The following RBM6 variants were observed in gnomAD, a reference collection of about 807,000 sequenced individuals.
The protein encoded by RBM6 is RNA binding motif protein 6.
A neutral mutation model predicts 140.4 loss-of-function variants in RBM6; 23 were observed. The ratio of observed to expected loss-of-function variants is 0.16; its 90% CI spans 0.12 to 0.23. RBM6 has a LOEUF of 0.23. RBM6 is among the 10% of genes least tolerant of loss of function. The probability of loss-of-function intolerance (pLI) is 1.00; values close to 1 mark genes in which losing one functional copy is unlikely to be tolerated. For missense variants in RBM6, 1,139 were observed against 1,386.7 expected (o/e 0.82, Z 2.84); for synonymous variants, 439 against 475.6 (o/e 0.92, Z 1.00).
At chr3:49,994,669 G>GGGGTGTGTGTGTGTGTGTGTGTGTGTGT (rs148704782) in intron 5 of RBM6, among the ~76,000 whole-genome samples, 1 of 148,164 alleles carries the variant, frequency 6.7e-6, no homozygotes, top group African/African-American at 2.5e-5. Flanking sequence ...AAGGCTGTGG[G>GGGGTGTGTGTGTGTGTGTGTGTGTGTGT]GTGTGTGTGT....
chr3:50,055,231 C>T (rs1188857005), intron 8 of RBM6, among the ~76,000 whole-genome samples: 1 of 152,170 alleles, frequency 6.6e-6, no homozygotes, highest in Non-Finnish European at 1.5e-5. Context: ...AGTTCAAGAC[C>T]AGCCTGACCA....
chr3:49,963,257 C>T (rs2084364199), intron 2 of RBM6, among the ~76,000 whole-genome samples: 1 of 151,778 alleles, frequency 6.6e-6, no homozygotes, highest in Non-Finnish European at 1.5e-5. Context: ...TTTTTTGAGA[C>T]AAGTCTCTCT....
chr3:50,013,013 G>T (rs927925040), intron 6 of RBM6, among the ~76,000 whole-genome samples: 2 of 151,934 alleles, frequency 1.3e-5, no homozygotes, highest in Non-Finnish European at 2.9e-5. Context: ...AAAGTGCTGG[G>T]ATTACAGGCG....
intron 5 of RBM6, 95 bp downstream of exon 5, chr3:49,975,487 CAATTAAA>C (rs2085025924): frequency 9.1e-7 from 1 of 1,102,256 alleles, no homozygotes; most frequent in Admixed American, 2.1e-5. Flanking sequence ...CAAGAAACCA[CAATTAAA>C]ATTTCCAGAA....
chr3:49,979,015 C>G lies in RBM6; in HGVS notation c.1483+3623C>G, dbSNP rs151039165. Among the ~76,000 whole-genome samples the G allele has an allele frequency of 2.6e-5, 4 of 152,246 alleles. No individual in the cohort carries two copies. In the East Asian group the frequency reaches 7.7e-4, roughly 29 times the overall value. ...TCTCAGCAATGAAGAAGAAACTACT[C>G]ATGCACCTAACAACATGGATGAATC... On this transcript the variant is annotated intron_variant, in intron 5 of 20. Coordinates refer to ENST00000266022, the MANE Select transcript of RBM6 (RefSeq NM_005777.3).
chr3:50,006,826 G>A (rs1454329705), intron 6 of RBM6, among the ~76,000 whole-genome samples: 5 of 151,862 alleles, frequency 3.3e-5, no homozygotes, highest in East Asian at 2.0e-4. Context: ...CCAGCTACTT[G>A]GGAGGCTGAG....
At chr3:50,042,895 A>G (rs914303002) in intron 6 of RBM6, among the ~76,000 whole-genome samples, 2 of 152,166 alleles carry the variant, frequency 1.3e-5, no homozygotes, top group African/African-American at 2.4e-5. Flanking sequence ...AGCTGATGAA[A>G]AAGGAAATGG....
chr3:49,974,673 ATTTTTT>A (rs55872898), intron 4 of RBM6, among the ~76,000 whole-genome samples: 9 of 72,466 alleles, frequency 1.2e-4, no homozygotes, highest in African/African-American at 5.2e-4. Context: ...TGCCCGGCCA[ATTTTTT>A]TTTTTTTTTT....
intron 6 of RBM6, among the ~76,000 whole-genome samples, chr3:50,042,806 A>C (rs1025607207): frequency 1.3e-5 from 2 of 152,110 alleles, no homozygotes; most frequent in Non-Finnish European, 2.9e-5. Flanking sequence ...GAATGGGAGC[A>C]TATGGTAGAG....
intron 16 of RBM6, chr3:50,065,727 C>A: frequency 4.5e-6 from 2 of 441,774 alleles, no homozygotes; most frequent in South Asian, 1.6e-5. Context: ...TATAAGGTAC[C>A]CTTTTCCTGC....
Position 49,999,528 on chromosome 3 carries a change from C to T in RBM6, c.1557+15C>T, listed in dbSNP as rs373771738. ...AGGCCAACCAGGTTGCTTTATACTT[C>T]GGTCAAATGATGCTGGAAGGATATA... On this transcript the variant is annotated intron_variant, in intron 6 of 20. Transcript: ENST00000266022. 20 of 1,586,354 alleles carry T rather than the reference C, an allele frequency of 1.3e-5. No individual in the cohort carries two copies. The highest frequency in any genetic ancestry group is 5.4e-5 in the African/African-American group (4 of 74,066).
intron 5 of RBM6, among the ~76,000 whole-genome samples, chr3:49,982,570 A>G (rs1304807459): frequency 6.6e-6 from 1 of 150,878 alleles, no homozygotes. Context: ...ACCCGCCACC[A>G]CGCCCAGCTA....
chr3:49,989,410 A>G (rs2085713006), intron 5 of RBM6, among the ~76,000 whole-genome samples: 3 of 151,926 alleles, frequency 2.0e-5, no homozygotes, highest in South Asian at 4.2e-4. Context: ...CCCCATCTCT[A>G]CTAATAAAAC....
chr3:49,945,939 G>A lies in RBM6; in HGVS notation c.-67+5714G>A, dbSNP rs1265430006. Reference sequence around the variant, plus strand: ...TAAGGATGAGACCTTAATCCAGCAGGACTGCTGTCTTCGTAAGAAAAGGAC... The same window carrying A: ...TAAGGATGAGACCTTAATCCAGCAGAACTGCTGTCTTCGTAAGAAAAGGAC... On this transcript the variant is annotated intron_variant, in intron 1 of 20. Coordinates refer to ENST00000266022, the MANE Select transcript of RBM6 (RefSeq NM_005777.3). Among the ~76,000 whole-genome samples, 5 of 150,518 alleles carry A rather than the reference G, an allele frequency of 3.3e-5. No homozygotes were observed. The East Asian group carries it at 9.7e-4, about 29-fold the overall frequency.
intron 6 of RBM6, among the ~76,000 whole-genome samples, chr3:50,001,834 C>T (rs1320642677): frequency 2.0e-5 from 3 of 152,122 alleles, no homozygotes; most frequent in South Asian, 4.1e-4. Flanking sequence ...GCTAAATACT[C>T]AATGTAATAG....
intron 17 of RBM6, 130 bp from the exon 18 acceptor site, chr3:50,068,560 A>C (rs533671085): frequency 2.7e-6 from 2 of 736,126 alleles, no homozygotes; most frequent in African/African-American, 3.5e-5. Context: ...TGCAGGATAC[A>C]GTGATCATTT....
At chr3:50,001,143 A>G (rs2086309405) in intron 6 of RBM6, among the ~76,000 whole-genome samples, 3 of 152,118 alleles carry the variant, frequency 2.0e-5, no homozygotes, top group African/African-American at 7.2e-5. Flanking sequence ...CATATTCAGG[A>G]AAAAAATGCA....
Position 49,973,875 on chromosome 3 carries a change from C to T in RBM6, c.1414-1448C>T, listed in dbSNP as rs572002035. 2.7e-5 allele frequency among the ~76,000 whole-genome samples: 4 copies of T among 147,300 alleles called. 1 individual carries two copies. In the South Asian group the frequency reaches 8.5e-4, roughly 31 times the overall value. ...TGCTGAGATTACACGCATGAGCCACCGCGCCCAGCATTTTGTTTGTTTGTT... is the reference window on the plus strand; with the variant it reads ...TGCTGAGATTACACGCATGAGCCACTGCGCCCAGCATTTTGTTTGTTTGTT... On this transcript the variant is annotated intron_variant, in intron 4 of 20. Transcript: ENST00000266022.
chr3:50,041,578 A>C (rs575638301), intron 6 of RBM6, among the ~76,000 whole-genome samples: 1 of 152,320 alleles, frequency 6.6e-6, no homozygotes, highest in African/African-American at 2.4e-5. Flanking sequence ...GAGAAATGAC[A>C]CATCTGTTTT....
Sources: gnomAD v4.1 joint callset for allele counts (sites outside exome capture counted in the v4.1 genomes callset) on GRCh38, gnomAD v4.1.1 for gene constraint, MANE v1.5 for transcripts, NCBI Gene and HGNC (gene_info 2026-07-23, HGNC 2026-07-21) for gene names.